The following DCC variants were observed in gnomAD, a reference collection of about 807,000 sequenced individuals.
The protein encoded by DCC is DCC netrin 1 receptor, also known as netrin receptor DCC.
A neutral mutation model predicts 172.5 loss-of-function variants in DCC; 58 were observed. The observed-to-expected ratio is 0.34, with a 90% CI of 0.27 to 0.42. DCC has a LOEUF of 0.42. DCC is among the 10% of genes least tolerant of loss of function. The probability of loss-of-function intolerance (pLI) is 1.00; values close to 1 mark genes in which losing one functional copy is unlikely to be tolerated. For synonymous variants in DCC, 709 were observed against 644.5 expected (o/e 1.10, Z -1.52); for missense variants, 1,740 against 1,791.0 (o/e 0.97, Z 0.51).
At chr18:52,517,911 T>A (rs986209778) in intron 1 of DCC, among the ~76,000 whole-genome samples, 4 of 152,200 alleles carry the variant, frequency 2.6e-5, no homozygotes, top group African/African-American at 9.6e-5. Flanking sequence ...TCATTCTCAT[T>A]GCTGCATATT....
At chr18:53,234,049 G>A (rs765607266) in intron 12 of DCC, among the ~76,000 whole-genome samples, 6 of 152,212 alleles carry the variant, frequency 3.9e-5, no homozygotes, top group African/African-American at 9.6e-5. Flanking sequence ...TTGGGAGTTC[G>A]AGACCAGCCT....
rs148723680 is a variant in DCC at position 53,530,021 on chromosome 18, C to G, written c.4255-543C>G. ...GACGTTTCATTGGCCAAGGCAAAGC[C>G]CGCTGAGTTCTCACATACAAAAAAA... On this transcript the variant is annotated intron_variant, in intron 28 of 28. Transcript: ENST00000442544. 1.3e-3 allele frequency among the ~76,000 whole-genome samples: 192 copies of G among 152,170 alleles called. 1 individual carries two copies. The highest frequency in any genetic ancestry group is 2.0e-3 in the Non-Finnish European group (139 of 68,008).
At chr18:52,931,573 TAC>T (rs1445597674) in intron 5 of DCC, among the ~76,000 whole-genome samples, 2 of 152,142 alleles carry the variant, frequency 1.3e-5, no homozygotes, top group African/African-American at 4.8e-5. Flanking sequence ...TCAGTAATTT[TAC>T]AGAGTGAATA....
In DCC at chr18:53,532,815, C is replaced by G. The variant is rs1305896642; in HGVS notation, c.*2162C>G. On this transcript the variant is annotated 3_prime_UTR_variant, in exon 29 of 29. Coordinates refer to ENST00000442544, the MANE Select transcript of DCC (RefSeq NM_005215.4). ...CCTTCAATCTATAGAATGAAGTTGACCAATTAAAAAAAAAAAAAAAACCTA... is the reference window on the plus strand; with the variant it reads ...CCTTCAATCTATAGAATGAAGTTGAGCAATTAAAAAAAAAAAAAAAACCTA... 1 of 113,798 alleles carries G rather than the reference C, an allele frequency of 8.8e-6. No individual in the cohort carries two copies. The highest frequency in any genetic ancestry group is 1.7e-5 in the Non-Finnish European group (1 of 58,184). 7.0% of individuals were successfully genotyped at this position (113,798 alleles called of 1,614,324 possible).
At chr18:53,210,743 T>A (rs1478644155) in intron 11 of DCC, among the ~76,000 whole-genome samples, 1 of 152,134 alleles carries the variant, frequency 6.6e-6, no homozygotes. Context: ...CATAGAAAAA[T>A]TTTTAAAAAA....
chr18:52,499,976 G>C (rs944361764), intron 1 of DCC, among the ~76,000 whole-genome samples: 1 of 152,064 alleles, frequency 6.6e-6, no homozygotes, highest in Non-Finnish European at 1.5e-5. Context: ...CAGGCCGTTG[G>C]CTGAAATCAG....
chr18:53,223,049 C>T lies in DCC; in HGVS notation c.1911+7452C>T, dbSNP rs369629384. Among the ~76,000 whole-genome samples the T allele has an allele frequency of 3.3e-5, 5 of 152,058 alleles. No individual in the cohort carries two copies. The South Asian group carries it at 8.3e-4, about 25-fold the overall frequency. ...GGAATAGTTATAAAGGACATTTATG[C>T]ATAACTAGAATAGGATATTGAGAAC... On this transcript the variant is annotated intron_variant, in intron 12 of 28. Transcript: ENST00000442544.
chr18:52,877,468 G>A (rs1041641746), intron 2 of DCC, among the ~76,000 whole-genome samples: 20 of 152,200 alleles, frequency 1.3e-4, no homozygotes, highest in African/African-American at 4.6e-4. Flanking sequence ...TAGCACTTTG[G>A]GAGGCTGAGG....
At chr18:52,731,293 C>T (rs938560087) in intron 1 of DCC, among the ~76,000 whole-genome samples, 6 of 152,186 alleles carry the variant, frequency 3.9e-5, no homozygotes, top group African/African-American at 1.4e-4. Context: ...TTAAAGAGTT[C>T]ACTCCAAAGT....
At chr18:53,241,234 G>C (rs1414880042) in intron 12 of DCC, among the ~76,000 whole-genome samples, 1 of 152,136 alleles carries the variant, frequency 6.6e-6, no homozygotes, top group Non-Finnish European at 1.5e-5. Flanking sequence ...CAAGGGCTAG[G>C]CTAAGCTGGA....
chr18:53,192,566 G>T (rs1367210371), intron 9 of DCC, among the ~76,000 whole-genome samples: 1 of 152,142 alleles, frequency 6.6e-6, no homozygotes, highest in African/African-American at 2.4e-5. Flanking sequence ...TTCCTGAAAA[G>T]CAGCTGACTA....
chr18:52,414,239 C>A (rs189291438), intron 1 of DCC, among the ~76,000 whole-genome samples: 3 of 152,020 alleles, frequency 2.0e-5, no homozygotes, highest in East Asian at 3.9e-4. Flanking sequence ...CGCCACCATG[C>A]CTGGCTAATT....
intron 1 of DCC, among the ~76,000 whole-genome samples, chr18:52,576,552 G>A (rs904760582): frequency 2.0e-5 from 3 of 152,188 alleles, no homozygotes; most frequent in Non-Finnish European, 2.9e-5. Flanking sequence ...AGTTTCCGCC[G>A]GGCACAGTGG....
At chr18:52,617,944 C>A (rs1377601055) in intron 1 of DCC, among the ~76,000 whole-genome samples, 2 of 152,074 alleles carry the variant, frequency 1.3e-5, no homozygotes, top group African/African-American at 4.8e-5. Flanking sequence ...TAAGGCCTGG[C>A]TCAAAGGTAT....
intron 1 of DCC, among the ~76,000 whole-genome samples, chr18:52,481,571 GT>G (rs553202208): frequency 5.3e-5 from 8 of 149,696 alleles, no homozygotes; most frequent in South Asian, 2.1e-4. Context: ...ATTTCCAGCA[GT>G]TTTTTTTTTA....
intron 1 of DCC, among the ~76,000 whole-genome samples, chr18:52,669,426 T>C (rs557104555): frequency 6.6e-6 from 1 of 152,336 alleles, no homozygotes; most frequent in Non-Finnish European, 1.5e-5. Context: ...GGGAAAGGAC[T>C]GTTATCATCT....
intron 1 of DCC, among the ~76,000 whole-genome samples, chr18:52,473,042 G>A (rs999609534): frequency 3.3e-5 from 5 of 152,174 alleles, no homozygotes; most frequent in Non-Finnish European, 5.9e-5. Flanking sequence ...ATTACTGGTA[G>A]GCAAACAGGA....
intron 1 of DCC, among the ~76,000 whole-genome samples, chr18:52,662,517 G>A (rs2035377946): frequency 1.4e-5 from 2 of 138,570 alleles, no homozygotes; most frequent in Admixed American, 1.4e-4. Context: ...AGGAAGGGAG[G>A]GAGGGTGGGA....
At chr18:52,798,593 A>G (rs1054513532) in intron 2 of DCC, among the ~76,000 whole-genome samples, 7 of 152,026 alleles carry the variant, frequency 4.6e-5, no homozygotes, top group African/African-American at 7.2e-5. Flanking sequence ...AAAGGAAGCT[A>G]CTCTAATTGG....
Sources: allele counts gnomAD v4.1 joint callset (sites outside exome capture counted in the v4.1 genomes callset), GRCh38; gene constraint gnomAD v4.1.1; transcripts MANE v1.5; gene names NCBI Gene and HGNC (gene_info 2026-07-23, HGNC 2026-07-21).